NT5DC3: variants seen among roughly 807,000 people sequenced by gnomAD.
NT5DC3 encodes the protein 5'-nucleotidase domain containing 3, also known as 5'-nucleotidase domain-containing protein 3.
NT5DC3 carries 42 observed loss-of-function variants against 67.8 expected under a neutral mutation model. That is an observed-to-expected ratio of 0.62 (90% CI 0.48 to 0.80). NT5DC3 has a LOEUF of 0.80. Among genes scored for constraint, NT5DC3 ranks in the 30% least tolerant of loss-of-function variants. NT5DC3 has a pLI of 0.00. For missense variants in NT5DC3, 570 were observed against 696.4 expected (o/e 0.82, Z 2.04); for synonymous variants, 237 against 255.6 (o/e 0.93, Z 0.69).
At chr12:103,791,426 A>G (rs2139334793) in intron 9 of NT5DC3, among the ~76,000 whole-genome samples, 1 of 152,134 alleles carries the variant, frequency 6.6e-6, no homozygotes, top group African/African-American at 2.4e-5. Flanking sequence ...GACCACTCTG[A>G]CCCAGCTAGG....
chr12:103,753,324 A>T, the NT5DC3 span: 4 of 1,614,124 alleles, frequency 2.5e-6, no homozygotes, highest in African/African-American at 1.3e-5. Flanking sequence ...GACCATGGCA[A>T]CCTACAACCA....
intron 12 of NT5DC3, among the ~76,000 whole-genome samples, chr12:103,781,854 C>T (rs1345145798): frequency 6.6e-6 from 1 of 152,188 alleles, no homozygotes; most frequent in African/African-American, 2.4e-5. Context: ...GGCACTTCAG[C>T]CATCTCCATC....
chr12:103,812,735 G>C (rs530343669), intron 2 of NT5DC3, among the ~76,000 whole-genome samples: 1 of 152,202 alleles, frequency 6.6e-6, no homozygotes, highest in South Asian at 2.1e-4. Context: ...CTGTGGCCTT[G>C]ATCTAGTAGC....
At chr12:103,809,909 G>A (rs928847036) in intron 2 of NT5DC3, among the ~76,000 whole-genome samples, 5 of 152,172 alleles carry the variant, frequency 3.3e-5, no homozygotes, top group African/African-American at 9.7e-5. Flanking sequence ...TCCTGGTCCT[G>A]CTATGTGCTA....
chr12:103,773,601 G>A lies in NT5DC3; in HGVS notation c.*4228C>T, dbSNP rs1440423834. 2.0e-5 allele frequency: 3 copies of A among 152,228 alleles called. No homozygotes were observed. The highest frequency in any genetic ancestry group is 7.2e-5 in the African/African-American group (3 of 41,462). 9.4% of individuals were successfully genotyped at this position (152,228 alleles called of 1,614,324 possible). The stretch of plus-strand genomic sequence containing the variant: ...AAAGTCGATATTAAGAAGGCAAAAT[G>A]TAGGTTCTCTATTAGTTGAACAGAA... On this transcript the variant is annotated 3_prime_UTR_variant, in exon 14 of 14. Transcript: ENST00000392876.
At position 103,841,005 on chromosome 12, in the gene NT5DC3, G is replaced by C. The variant is rs547661737; in HGVS notation, c.152C>G (p.Pro51Arg). The C allele has an allele frequency of 2.3e-6, 3 of 1,307,494 alleles. No individual in the cohort carries two copies. The highest frequency in any genetic ancestry group is 2.9e-6 in the Non-Finnish European group (3 of 1,024,090). The allele number at this position is 1,307,494 out of a possible 1,614,324, so 81.0% of individuals were successfully genotyped here. Residue 51 changes from proline (P) to arginine (R), a missense_variant, in exon 1 of 14, where the codon CCG becomes CGG. This residue lies in a region of NT5DC3 where 104 missense variants were observed against 88.4 expected (regional missense o/e 1.18). Transcript: ENST00000392876. ...CTCCCACAGGTAGCGCTTCATGTCCGGGGCGGTCCCGGGTGCAGTGCACAA... is the reference window on the plus strand; with the variant it reads ...CTCCCACAGGTAGCGCTTCATGTCCCGGGCGGTCCCGGGTGCAGTGCACAA... ...RPLCTAPGTA[P>R]DMKRYLWERY... is the part of the protein sequence containing the mutation.
In NT5DC3 at chr12:103,773,952, A is replaced by G. The variant is rs1885259135; in HGVS notation, c.*3877T>C. 1 of 152,644 alleles carries G rather than the reference A, an allele frequency of 6.6e-6. No homozygotes were observed. The highest frequency in any genetic ancestry group is 2.1e-4 in the South Asian group (1 of 4,836). The allele number at this position is 152,644 out of a possible 1,614,324, so 9.5% of individuals were successfully genotyped here. On this transcript the variant is annotated 3_prime_UTR_variant, in exon 14 of 14. Transcript: ENST00000392876. Reference sequence around the variant, plus strand: ...TAGCAAGTGGTTTATGTTACATAATATTAATGGGAATAGCAGAAAATAGTG... The same window carrying G: ...TAGCAAGTGGTTTATGTTACATAATGTTAATGGGAATAGCAGAAAATAGTG...
intron 13 of NT5DC3, among the ~76,000 whole-genome samples, chr12:103,778,972 C>G (rs1885441437): frequency 2.0e-5 from 3 of 152,152 alleles, no homozygotes; most frequent in Admixed American, 1.3e-4. Context: ...AACAGCTGCT[C>G]CCGATGGTAC....
chr12:103,766,191 GGA>G (rs1449148721), downstream of NT5DC3: 4 of 1,499,156 alleles, frequency 2.7e-6, no homozygotes, highest in Non-Finnish European at 3.7e-6. Flanking sequence ...CAGTGCTCAG[GGA>G]GAGTCATGCC....
At chr12:103,836,529 C>T (rs1888155148) in intron 1 of NT5DC3, among the ~76,000 whole-genome samples, 1 of 152,204 alleles carries the variant, frequency 6.6e-6, no homozygotes, top group Non-Finnish European at 1.5e-5. Context: ...ACATGGACTA[C>T]ATTTAGTTGT....
chr12:103,840,756 C>T (rs1361951559), intron 1 of NT5DC3, among the ~76,000 whole-genome samples, 193 bp downstream of exon 1: 1 of 152,156 alleles, frequency 6.6e-6, no homozygotes, highest in African/African-American at 2.4e-5. Context: ...TTCTAGAGCG[C>T]ATTTTTCCCC....
the NT5DC3 span, chr12:103,759,263 C>A: frequency 6.2e-7 from 1 of 1,614,068 alleles, no homozygotes; most frequent in Non-Finnish European, 8.5e-7. Context: ...AGCCAGGACC[C>A]ACTCCAACCG....
At chr12:103,817,445 G>A (rs1390164647) in intron 1 of NT5DC3, among the ~76,000 whole-genome samples, 1 of 152,064 alleles carries the variant, frequency 6.6e-6, no homozygotes. Context: ...GAAGGCAGGT[G>A]ACTTTTTGGA....
At chr12:103,778,974 C>T (rs867137714) in intron 13 of NT5DC3, among the ~76,000 whole-genome samples, 2 of 152,238 alleles carry the variant, frequency 1.3e-5, no homozygotes, top group East Asian at 1.9e-4. Context: ...CAGCTGCTCC[C>T]GATGGTACAC....
intron 1 of NT5DC3, among the ~76,000 whole-genome samples, chr12:103,818,608 T>A (rs10861109): frequency 0.22 from 33,627 of 152,064 alleles, 4,264 homozygotes; most frequent in South Asian, 0.44. Flanking sequence ...ACTCCTGACC[T>A]CAGGTGATCC....
the NT5DC3 span, among the ~76,000 whole-genome samples, chr12:103,756,966 T>C: frequency 1.4e-5 from 2 of 143,972 alleles, no homozygotes; most frequent in African/African-American, 5.2e-5. Context: ...ACCTACCTTC[T>C]CTGGGCCTCA....
chr12:103,768,256 G>A (rs1328435498), downstream of NT5DC3, among the ~76,000 whole-genome samples: 1 of 151,418 alleles, frequency 6.6e-6, no homozygotes, highest in Non-Finnish European at 1.5e-5. Flanking sequence ...CCGACATGGT[G>A]AAACCCTGTC....
the NT5DC3 span, chr12:103,753,377 T>C: frequency 6.2e-7 from 1 of 1,614,102 alleles, no homozygotes. Flanking sequence ...TAGCAGATTC[T>C]GTGCAGACAG....
At chr12:103,796,760 A>T in intron 6 of NT5DC3, 134 bp downstream of exon 6, 1 of 843,620 alleles carries the variant, frequency 1.2e-6, no homozygotes, top group African/African-American at 1.7e-5. Context: ...GTTCAAGGTT[A>T]AACCACATAT....
Sources: gnomAD v4.1 joint callset for allele counts (sites outside exome capture counted in the v4.1 genomes callset) on GRCh38, gnomAD v4.1.1 for gene constraint, gnomAD v4.1.1 regional missense constraint, MANE v1.5 for transcripts, NCBI Gene and HGNC (gene_info 2026-07-23, HGNC 2026-07-21) for gene names.